Variants in UBE2Q2 observed in about 807,000 individuals in gnomAD.
UBE2Q2 encodes ubiquitin conjugating enzyme E2 Q2.
In UBE2Q2, 54 loss-of-function variants were observed where a neutral mutation model predicts 59.9. The observed-to-expected ratio is 0.90, with a 90% CI of 0.72 to 1.13. The LOEUF (loss-of-function observed/expected upper bound fraction) is 1.13. Among genes scored for constraint, UBE2Q2 ranks in the 50% most tolerant of loss-of-function variants. The probability of loss-of-function intolerance (pLI) is 0.00; values close to 1 mark genes in which losing one functional copy is unlikely to be tolerated. For synonymous variants in UBE2Q2, 165 were observed against 155.2 expected (o/e 1.06, Z -0.47); for missense variants, 433 against 441.9 (o/e 0.98, Z 0.18).
intron 1 of UBE2Q2, among the ~76,000 whole-genome samples, chr15:75,849,556 G>A (rs1896531375): frequency 6.6e-6 from 1 of 152,192 alleles, no homozygotes; most frequent in African/African-American, 2.4e-5. Flanking sequence ...CTTGAGCAGT[G>A]ACAGGTAAAG....
At chr15:75,898,325 C>G (rs1043960201) in intron 12 of UBE2Q2, among the ~76,000 whole-genome samples, 1 of 151,754 alleles carries the variant, frequency 6.6e-6, no homozygotes, top group African/African-American at 2.4e-5. Flanking sequence ...GTAATAGAGT[C>G]AGAAGCAGGG....
At chr15:75,855,814 A>G (rs1195347582) in intron 2 of UBE2Q2, among the ~76,000 whole-genome samples, 1 of 152,202 alleles carries the variant, frequency 6.6e-6, no homozygotes, top group Non-Finnish European at 1.5e-5. Context: ...GTGGAAGGAA[A>G]GATTTGCATT....
At chr15:75,893,486 A>G (rs746904572) in intron 11 of UBE2Q2, among the ~76,000 whole-genome samples, 1 of 152,232 alleles carries the variant, frequency 6.6e-6, no homozygotes, top group Non-Finnish European at 1.5e-5. Flanking sequence ...TGACAAGTCC[A>G]CCATCACAGT....
At chr15:75,844,097 G>C (rs1291091582) in intron 1 of UBE2Q2, 1 of 1,414,302 alleles carries the variant, frequency 7.1e-7, no homozygotes, top group Non-Finnish European at 9.2e-7. Context: ...GGCCCATCTC[G>C]GTCCCCGTCT....
rs184327076 is a variant in UBE2Q2 at position 75,870,806 on chromosome 15, A to T, written c.447+1796A>T. Reference sequence around the variant, plus strand: ...GATTGGCTAGAAAAGGCAGATGGTTAAAAGTCTTGAATTCGAGACAGGTGT... The same window carrying T: ...GATTGGCTAGAAAAGGCAGATGGTTTAAAGTCTTGAATTCGAGACAGGTGT... On this transcript the variant is annotated intron_variant, in intron 4 of 12. Transcript: ENST00000267938. 1.2e-3 allele frequency among the ~76,000 whole-genome samples: 179 copies of T among 152,332 alleles called. 1 individual carries two copies. The highest frequency in any genetic ancestry group is 4.0e-3 in the African/African-American group (167 of 41,570).
chr15:75,849,685 C>G lies in UBE2Q2; in HGVS notation c.181-4701C>G, dbSNP rs564145432. ...CCACTTACAGTAATGTTTATGGTAG[C>G]TTCACAGACAACTTCATTCTCACAG... is the stretch of plus-strand genomic sequence containing the variant. On this transcript the variant is annotated intron_variant, in intron 1 of 12. Transcript: ENST00000267938. Among the ~76,000 whole-genome samples the G allele has an allele frequency of 2.6e-5, 4 of 152,244 alleles. No homozygotes were observed. In the East Asian group the frequency reaches 7.7e-4, roughly 29 times the overall value.
chr15:75,874,858 A>C lies in UBE2Q2; in HGVS notation c.588+1290A>C, dbSNP rs543116326. 2.1e-3 allele frequency among the ~76,000 whole-genome samples: 324 copies of C among 152,344 alleles called. 2 individuals carry two copies. Among genetic ancestry groups the C allele is most frequent in the Middle Eastern group, 6.8e-3 (2 of 294 alleles). ...ACCAACTCCGTGAAATCTGAGTAGCAGTTACTTTGTCTTGGGCACAGGTTC... is the reference window on the plus strand; with the variant it reads ...ACCAACTCCGTGAAATCTGAGTAGCCGTTACTTTGTCTTGGGCACAGGTTC... On this transcript the variant is annotated intron_variant, in intron 5 of 12. Transcript: ENST00000267938.
At chr15:75,867,206 A>C (rs915073772) in intron 3 of UBE2Q2, among the ~76,000 whole-genome samples, 2 of 152,138 alleles carry the variant, frequency 1.3e-5, no homozygotes, top group African/African-American at 4.8e-5. Flanking sequence ...TGCTGCATTG[A>C]GTTATACTAA....
At position 75,854,421 on chromosome 15, in the gene UBE2Q2, G is replaced by A. The variant is rs200863436; in HGVS notation, c.216G>A (p.Val72=). The A allele has an allele frequency of 5.5e-5, 89 of 1,613,098 alleles. No homozygotes were observed. Among genetic ancestry groups the A allele is most frequent in the Non-Finnish European group, 6.5e-5 (77 of 1,179,556 alleles). The change falls in exon 2 of 13, where the codon GTG becomes GTA. Residue 72 remains valine (V), a synonymous_variant. Coordinates refer to ENST00000267938, the MANE Select transcript of UBE2Q2 (RefSeq NM_173469.4). ...SYPSSSPIWF[V]DSEDPNLTSV... Reference sequence around the variant, plus strand: ...CATCTTCTTCACCGATATGGTTTGTGGATTCTGAAGACCCAAATCTGACAT... The same window carrying A: ...CATCTTCTTCACCGATATGGTTTGTAGATTCTGAAGACCCAAATCTGACAT...
At position 75,858,569 on chromosome 15, in the gene UBE2Q2, C is replaced by T. The variant is rs566515126; in HGVS notation, c.283-1309C>T. On this transcript the variant is annotated intron_variant, in intron 2 of 12. Transcript: ENST00000267938. ...TGATCTCAGTTTCTTCCTCCCATCC[C>T]TCAAATGCTTTTTTGGTGTGTGGGG... is the stretch of plus-strand genomic sequence containing the variant. 1.5e-3 allele frequency among the ~76,000 whole-genome samples: 222 copies of T among 152,240 alleles called. 1 individual carries two copies. The highest frequency in any genetic ancestry group is 5.2e-3 in the African/African-American group (215 of 41,538).
chr15:75,847,455 T>C (rs1896412062), intron 1 of UBE2Q2, among the ~76,000 whole-genome samples: 1 of 152,220 alleles, frequency 6.6e-6, no homozygotes, highest in Non-Finnish European at 1.5e-5. Flanking sequence ...TTTCCTGTTT[T>C]ATAAATTTGT....
intron 8 of UBE2Q2, among the ~76,000 whole-genome samples, chr15:75,880,831 A>G (rs1056147606): frequency 3.3e-5 from 5 of 152,196 alleles, no homozygotes; most frequent in Admixed American, 1.3e-4. Context: ...CTGTGGATAT[A>G]TGAGATATTT....
intron 11 of UBE2Q2, among the ~76,000 whole-genome samples, chr15:75,891,239 T>C (rs1899086015): frequency 1.3e-5 from 2 of 152,146 alleles, no homozygotes; most frequent in Admixed American, 6.5e-5. Flanking sequence ...TAGTCTGTTA[T>C]ATTTGCTGTA....
rs1451337067 is a variant in UBE2Q2, at chr15:75,894,903, G to C, written c.1030-2092G>C. The C allele has an allele frequency of 3.3e-5, 5 of 152,116 alleles. No homozygotes were observed. In the East Asian group the frequency reaches 9.8e-4, roughly 30 times the overall value. 9.4% of individuals were successfully genotyped at this position (152,116 alleles called of 1,614,324 possible). ...TTTTATTTTTGTCCTTTTTGTGAAA[G>C]TACTAAAACAAAAACTTTTTTGCCT... On this transcript the variant is annotated intron_variant, in intron 11 of 12. Coordinates refer to ENST00000267938, the MANE Select transcript of UBE2Q2 (RefSeq NM_173469.4).
chr15:75,844,294 T>A (rs1409789043), intron 1 of UBE2Q2: 1 of 1,545,658 alleles, frequency 6.5e-7, no homozygotes, highest in African/African-American at 1.4e-5. Context: ...AGTCGGATTT[T>A]CCTTCTTCCC....
intron 9 of UBE2Q2, among the ~76,000 whole-genome samples, chr15:75,889,252 T>C (rs1469599136): frequency 2.6e-5 from 4 of 152,238 alleles, no homozygotes; most frequent in African/African-American, 7.2e-5. Flanking sequence ...AGATTTTCTT[T>C]CACTTTTAGA....
intron 8 of UBE2Q2, among the ~76,000 whole-genome samples, chr15:75,882,558 C>T (rs1595889764): frequency 6.6e-6 from 1 of 152,096 alleles, no homozygotes; most frequent in Non-Finnish European, 1.5e-5. Flanking sequence ...TTGTACTTTA[C>T]CAAGCTTACA....
At chr15:75,886,419 C>T (rs1898774570) in intron 9 of UBE2Q2, among the ~76,000 whole-genome samples, 1 of 152,014 alleles carries the variant, frequency 6.6e-6, no homozygotes, top group Non-Finnish European at 1.5e-5. Flanking sequence ...GCCTGGCCAA[C>T]TATTGTGCTT....
intron 8 of UBE2Q2, among the ~76,000 whole-genome samples, chr15:75,882,594 C>G (rs1898493713): frequency 6.6e-6 from 1 of 152,138 alleles, no homozygotes; most frequent in African/African-American, 2.4e-5. Flanking sequence ...TTCATTATGT[C>G]TGTTAAATAT....
Sources: allele counts gnomAD v4.1 joint callset (sites outside exome capture counted in the v4.1 genomes callset), GRCh38; gene constraint gnomAD v4.1.1; transcripts MANE v1.5; gene names NCBI Gene and HGNC (gene_info 2026-07-23, HGNC 2026-07-21).